Variants in KCNIP4 observed in about 807,000 individuals in gnomAD.
The protein encoded by KCNIP4 is Kv channel-interacting protein 4.
A neutral mutation model predicts 34.0 loss-of-function variants in KCNIP4; 12 were observed. The observed-to-expected ratio is 0.35, with a 90% CI of 0.23 to 0.57. KCNIP4 has a LOEUF of 0.57. Among genes scored for constraint, KCNIP4 ranks in the 20% least tolerant of loss-of-function variants. The pLI, the probability that KCNIP4 is intolerant of heterozygous loss-of-function variation, is 0.83. For synonymous variants in KCNIP4, 124 were observed against 102.2 expected, an observed-to-expected ratio of 1.21 and a Z score of -1.29; for missense variants, 238 against 311.7, an observed-to-expected ratio of 0.76 and a Z score of 1.78.
intron 1 of KCNIP4, among the ~76,000 whole-genome samples, chr4:21,548,674 T>C (rs1350717): frequency 0.36 from 54,503 of 150,774 alleles, 10,113 homozygotes; most frequent in South Asian, 0.53. Context: ...AAAAAATGGA[T>C]GGTTTAAAAT....
In KCNIP4 at chr4:21,253,166, G is replaced by A. The variant is rs142468158; in HGVS notation, c.62-370457C>T. On this transcript the variant is annotated intron_variant, in intron 1 of 8. Coordinates refer to ENST00000382152, the MANE Select transcript of KCNIP4 (RefSeq NM_025221.6). ...GCTTTATCATTAAAATAATTTCTAC[G>A]GCAATTTCTTTTCTTTTTACCTGGA... Among the ~76,000 whole-genome samples the A allele has an allele frequency of 2.8e-3, 421 of 152,086 alleles. 3 individuals carry two copies. Among genetic ancestry groups the A allele is most frequent in the African/African-American group, 9.9e-3 (410 of 41,486 alleles).
chr4:20,965,239 C>T (rs1734232820), intron 1 of KCNIP4, among the ~76,000 whole-genome samples: 1 of 152,102 alleles, frequency 6.6e-6, no homozygotes, highest in Non-Finnish European at 1.5e-5. Flanking sequence ...TGGGAGTGGC[C>T]TCAAAATAAT....
Position 21,045,347 on chromosome 4 carries a change from G to A in KCNIP4, c.62-162638C>T, listed in dbSNP as rs550094611. 2.0e-3 allele frequency among the ~76,000 whole-genome samples: 297 copies of A among 152,222 alleles called. 1 individual carries two copies. The highest frequency in any genetic ancestry group is 2.7e-3 in the Non-Finnish European group (186 of 68,016). ...ACCTAATATTCTGCATTTCTAACAG[G>A]CTCCCAGATGATGCTAATTTTGCTG... On this transcript the variant is annotated intron_variant, in intron 1 of 8. Transcript: ENST00000382152.
At chr4:20,904,292 A>G (rs1254585789) in intron 1 of KCNIP4, among the ~76,000 whole-genome samples, 1 of 150,138 alleles carries the variant, frequency 6.7e-6, no homozygotes, top group Non-Finnish European at 1.5e-5. Flanking sequence ...TTATAATAGT[A>G]ACAATAATTT....
chr4:21,409,062 C>T (rs574311793), intron 1 of KCNIP4, among the ~76,000 whole-genome samples: 1 of 151,104 alleles, frequency 6.6e-6, no homozygotes, highest in Non-Finnish European at 1.5e-5. Context: ...AAAAAAGGAA[C>T]ACATTTAGTT....
At chr4:20,919,749 T>C (rs891635773) in intron 1 of KCNIP4, among the ~76,000 whole-genome samples, 1 of 151,596 alleles carries the variant, frequency 6.6e-6, no homozygotes, top group Non-Finnish European at 1.5e-5. Context: ...TTTAATATTG[T>C]TTGGCGGGGG....
intron 1 of KCNIP4, among the ~76,000 whole-genome samples, chr4:21,301,902 G>GA (rs981803700): frequency 6.6e-6 from 1 of 152,082 alleles, no homozygotes; most frequent in Non-Finnish European, 1.5e-5. Context: ...ACTTCCAAAT[G>GA]AAAAACACTA....
chr4:21,821,128 G>A (rs975402898), intron 1 of KCNIP4, among the ~76,000 whole-genome samples: 1 of 152,116 alleles, frequency 6.6e-6, no homozygotes, highest in African/African-American at 2.4e-5. Flanking sequence ...AAAACTCACT[G>A]TTCTTTAATT....
At chr4:21,837,532 C>A (rs866265524) in intron 1 of KCNIP4, among the ~76,000 whole-genome samples, 156 of 78,480 alleles carry the variant, frequency 2.0e-3, no homozygotes, top group South Asian at 2.6e-3. Flanking sequence ...AAAACGCTGT[C>A]AAAAAAAAAA....
chr4:21,587,983 T>C (rs983337756), intron 1 of KCNIP4, among the ~76,000 whole-genome samples: 3 of 152,042 alleles, frequency 2.0e-5, no homozygotes, highest in African/African-American at 7.2e-5. Flanking sequence ...ACTAATAAAA[T>C]GTTCCCTTTC....
In KCNIP4 at chr4:20,847,230, CA is replaced by C. The variant is rs1720490083; in HGVS notation, c.288+3312del. 7.2e-5 allele frequency among the ~76,000 whole-genome samples: 11 copies of C among 152,230 alleles called. No homozygotes were observed. The South Asian group carries it at 2.1e-3, about 29-fold the overall frequency. ...AGTTATCATTATCCCAGTTTATAGA[CA>C]AAGACACATCGTCTCCTGAGTCAGA... On this transcript the variant is annotated intron_variant, in intron 3 of 8. Transcript: ENST00000382152.
At chr4:21,739,544 T>G (rs766065826) in intron 1 of KCNIP4, among the ~76,000 whole-genome samples, 4 of 152,062 alleles carry the variant, frequency 2.6e-5, no homozygotes, top group Non-Finnish European at 5.9e-5. Flanking sequence ...TGAAAACTTA[T>G]ATTGAAAATT....
chr4:21,624,222 T>C (rs947938751), intron 1 of KCNIP4, among the ~76,000 whole-genome samples: 20 of 152,154 alleles, frequency 1.3e-4, no homozygotes, highest in African/African-American at 4.8e-4. Context: ...ATAATATATA[T>C]ATAAGAAGAG....
chr4:21,087,146 ATGTGTG>A (rs34874556), intron 1 of KCNIP4, among the ~76,000 whole-genome samples: 1,471 of 110,902 alleles, frequency 0.013, 29 homozygotes, highest in Non-Finnish European at 0.016. Flanking sequence ...CTGCTGGGTA[ATGTGTG>A]TGTGTGTGTG....
At chr4:20,902,266 T>C (rs923659507) in intron 1 of KCNIP4, among the ~76,000 whole-genome samples, 12 of 152,156 alleles carry the variant, frequency 7.9e-5, no homozygotes, top group South Asian at 2.1e-4. Flanking sequence ...ATAAATTCTC[T>C]TTTCCAGGAG....
chr4:21,008,603 A>C (rs1313823174), intron 1 of KCNIP4, among the ~76,000 whole-genome samples: 3 of 151,542 alleles, frequency 2.0e-5, no homozygotes, highest in Non-Finnish European at 2.9e-5. Context: ...GGCTCACTGC[A>C]AGCTCCGCCT....
At chr4:21,079,695 A>G (rs941400809) in intron 1 of KCNIP4, among the ~76,000 whole-genome samples, 1 of 151,928 alleles carries the variant, frequency 6.6e-6, no homozygotes, top group Non-Finnish European at 1.5e-5. Context: ...GTTGCTAATC[A>G]GTTGACTGGA....
At chr4:21,342,687 A>C (rs1716876906) in intron 1 of KCNIP4, among the ~76,000 whole-genome samples, 1 of 152,152 alleles carries the variant, frequency 6.6e-6, no homozygotes, top group Non-Finnish European at 1.5e-5. Flanking sequence ...CTTATTCTCT[A>C]CTAATTTCAT....
At chr4:21,473,219 C>G (rs34096160) in intron 1 of KCNIP4, among the ~76,000 whole-genome samples, 19,003 of 152,126 alleles carry the variant, frequency 0.12, 1,351 homozygotes, top group South Asian at 0.21. Flanking sequence ...GATTTGGGGA[C>G]CATTTGTTAC....
Sources: allele counts gnomAD v4.1 joint callset (sites outside exome capture counted in the v4.1 genomes callset), GRCh38; gene constraint gnomAD v4.1.1; transcripts MANE v1.5; gene names NCBI Gene and HGNC (gene_info 2026-07-23, HGNC 2026-07-21).